Variants in GSE1 observed in about 807,000 individuals in gnomAD.
GSE1 encodes Gse1 coiled-coil protein, also known as genetic suppressor element 1.
GSE1 carries 32 observed loss-of-function variants against 112.6 expected under a neutral mutation model. The observed-to-expected ratio is 0.28, with a 90% CI of 0.21 to 0.38. The LOEUF (loss-of-function observed/expected upper bound fraction) is 0.38, where lower values mean the gene tolerates loss of function less well. Among genes scored for constraint, GSE1 ranks in the 10% least tolerant of loss-of-function variants. The probability of loss-of-function intolerance (pLI) is 1.00; values close to 1 mark genes in which losing one functional copy is unlikely to be tolerated. For missense variants in GSE1, 2,348 were observed against 1,699.2 expected (o/e 1.38, Z -6.71); for synonymous variants, 1,115 against 735.6 (o/e 1.52, Z -8.35).
chr16:85,484,173 A>G (rs1287460335), intron 2 of GSE1, among the ~76,000 whole-genome samples: 1 of 152,194 alleles, frequency 6.6e-6, no homozygotes, highest in Admixed American at 6.5e-5. Context: ...TTTCCATCCT[A>G]ACAGTCTTCC....
intron 2 of GSE1, among the ~76,000 whole-genome samples, chr16:85,436,611 G>T (rs1241707467): frequency 6.6e-6 from 1 of 152,244 alleles, no homozygotes; most frequent in African/African-American, 2.4e-5. Context: ...GGTAGCCCCA[G>T]TGGGGTTAGG....
intron 1 of GSE1, among the ~76,000 whole-genome samples, chr16:85,296,431 C>T (rs1597323049): frequency 1.3e-5 from 2 of 152,034 alleles, no homozygotes; most frequent in African/African-American, 4.8e-5. Context: ...ATGGTGAAAC[C>T]CCGACTCTGC....
At chr16:85,369,020 C>T (rs2047241677) in intron 2 of GSE1, among the ~76,000 whole-genome samples, 1 of 152,186 alleles carries the variant, frequency 6.6e-6, no homozygotes, top group African/African-American at 2.4e-5. Flanking sequence ...TAAGAAGTCA[C>T]CGTGGACTTG....
chr16:85,231,123 T>TGGAA (rs1286219103), intron 1 of GSE1, among the ~76,000 whole-genome samples: 5 of 111,542 alleles, frequency 4.5e-5, no homozygotes, highest in African/African-American at 1.6e-4. Context: ...GATGAAAGGA[T>TGGAA]GGATGGAAGG....
chr16:85,618,850 C>G (rs2048543616), intron 1 of GSE1, among the ~76,000 whole-genome samples: 1 of 152,206 alleles, frequency 6.6e-6, no homozygotes, highest in South Asian at 2.1e-4. Context: ...TTTGTGGAGA[C>G]AGGGTCTCTC....
chr16:85,332,292 A>G (rs953666906), intron 1 of GSE1, among the ~76,000 whole-genome samples: 3 of 152,188 alleles, frequency 2.0e-5, no homozygotes, highest in Non-Finnish European at 4.4e-5. Flanking sequence ...TTGGTCTCCC[A>G]CTTACAGACC....
chr16:85,515,993 A>G (rs540528405), intron 2 of GSE1, among the ~76,000 whole-genome samples: 1 of 152,228 alleles, frequency 6.6e-6, no homozygotes, highest in African/African-American at 2.4e-5. Context: ...CAGAGAGGAG[A>G]TGGCAGGAGG....
rs570566504 is a variant in GSE1 at position 85,491,080 on chromosome 16, G to A, written c.2464+133437G>A. 2.6e-4 allele frequency among the ~76,000 whole-genome samples: 40 copies of A among 152,324 alleles called. 2 individuals are homozygous for A. The South Asian group carries it at 8.1e-3, about 31-fold the overall frequency. On this transcript the variant is annotated intron_variant, in intron 2 of 2. Coordinates refer to the GSE1 transcript ENST00000637419. ...GAGGTAGGTCCTGCAGGCGCCGGGGGAGGGGTACAGCTGGGCCCCCCAAGC... is the reference window on the plus strand; with the variant it reads ...GAGGTAGGTCCTGCAGGCGCCGGGGAAGGGGTACAGCTGGGCCCCCCAAGC...
intron 1 of GSE1, among the ~76,000 whole-genome samples, chr16:85,236,843 T>C (rs1904717910): frequency 6.6e-6 from 1 of 152,074 alleles, no homozygotes; most frequent in Admixed American, 6.5e-5. Flanking sequence ...CCTGGGACCT[T>C]GGGACCTCTG....
intron 1 of GSE1, among the ~76,000 whole-genome samples, chr16:85,350,950 T>C (rs2046839506): frequency 6.6e-6 from 1 of 152,216 alleles, no homozygotes; most frequent in South Asian, 2.1e-4. Context: ...CGGCTAATTA[T>C]TGCATTTTTA....
chr16:85,246,076 G>A (rs532200067), intron 1 of GSE1, among the ~76,000 whole-genome samples: 1 of 151,772 alleles, frequency 6.6e-6, no homozygotes, highest in East Asian at 1.9e-4. Flanking sequence ...GTGACTGTGT[G>A]AATGCTTGTG....
rs1299782485 is a variant in GSE1 at position 85,331,361 on chromosome 16, G to GTATATATATATATA, written c.2284-26101_2284-26100insATATATATATATAT. On this transcript the variant is annotated intron_variant, in intron 1 of 2. Coordinates refer to the GSE1 transcript ENST00000637419. ...TGTGTGTGTGTGTGTGTGTGTGTGT[G>GTATATATATATATA]TGTGTATATATGTATATATATGTAT... is the stretch of plus-strand genomic sequence containing the variant. Among the ~76,000 whole-genome samples the GTATATATATATATA allele has an allele frequency of 1.9e-4, 13 of 66,976 alleles. 1 individual carries two copies. The highest frequency in any genetic ancestry group is 2.7e-4 in the Non-Finnish European group (8 of 29,338). 43.9% of individuals were successfully genotyped at this position (66,976 alleles called of 152,430 possible). A position where few individuals can be genotyped will look rare whatever the true frequency, so the allele number is the denominator to read the frequency against.
chr16:85,635,827 G>A (rs568171253), intron 2 of GSE1, among the ~76,000 whole-genome samples: 11 of 152,352 alleles, frequency 7.2e-5, no homozygotes, highest in African/African-American at 2.2e-4. Context: ...TGCAGAGGAC[G>A]TGGTCAGGAA....
At chr16:85,538,503 G>C (rs1196148770) in intron 2 of GSE1, among the ~76,000 whole-genome samples, 1 of 152,188 alleles carries the variant, frequency 6.6e-6, no homozygotes, top group African/African-American at 2.4e-5. Context: ...CCGTCTTGTC[G>C]CCGGCCCCAT....
chr16:85,667,966 A>ACGCGGGGTC (rs11268657), intron 13 of GSE1, among the ~76,000 whole-genome samples, 174 bp from the exon 14 acceptor site: 1 of 151,570 alleles, frequency 6.6e-6, no homozygotes, highest in African/African-American at 2.4e-5. Context: ...GGACTTTCTC[A>ACGCGGGGTC]AGTGGCCCAG....
intron 1 of GSE1, among the ~76,000 whole-genome samples, chr16:85,249,438 G>A (rs1016545798): frequency 6.6e-6 from 1 of 152,240 alleles, no homozygotes; most frequent in Admixed American, 6.5e-5. Flanking sequence ...CCCGAGGTGA[G>A]GCTGCCGTCA....
chr16:85,431,649 G>C (rs904897444), intron 2 of GSE1, among the ~76,000 whole-genome samples: 3 of 151,952 alleles, frequency 2.0e-5, no homozygotes, highest in African/African-American at 7.3e-5. Context: ...CCTGCCTCCC[G>C]CCATTGGCCT....
intron 2 of GSE1, among the ~76,000 whole-genome samples, chr16:85,463,955 G>T (rs1230463925): frequency 6.6e-6 from 1 of 152,188 alleles, no homozygotes; most frequent in Non-Finnish European, 1.5e-5. Flanking sequence ...TCCCTTTGGG[G>T]TGGCTCCAGT....
chr16:85,651,408 C>T (rs1374484464), intron 3 of GSE1, among the ~76,000 whole-genome samples: 12 of 152,226 alleles, frequency 7.9e-5, no homozygotes, highest in Admixed American at 3.9e-4. Flanking sequence ...TGGCTGCCCC[C>T]CAGCCCCCCG....
Sources: gnomAD v4.1 joint callset for allele counts (sites outside exome capture counted in the v4.1 genomes callset) on GRCh38, gnomAD v4.1.1 for gene constraint, MANE v1.5 for transcripts, NCBI Gene and HGNC (gene_info 2026-07-23, HGNC 2026-07-21) for gene names.